The following TMEM116 variants were observed in gnomAD, a reference collection of about 807,000 sequenced individuals.
TMEM116 encodes the protein transmembrane protein 116.
In TMEM116, 38 loss-of-function variants were observed where a neutral mutation model predicts 44.3. The ratio of observed to expected loss-of-function variants is 0.86; its 90% confidence interval spans 0.66 to 1.12. The LOEUF (loss-of-function observed/expected upper bound fraction) is 1.12, where lower values mean the gene tolerates loss of function less well. TMEM116 is among the 50% of genes most tolerant of loss of function. The pLI, the probability that TMEM116 is intolerant of heterozygous loss-of-function variation, is 0.00. For missense variants in TMEM116, 354 were observed against 401.7 expected (o/e 0.88, Z 1.01); for synonymous variants, 132 against 144.8 (o/e 0.91, Z 0.64).
chr12:111,986,099 T>A (rs1260231970), intron 4 of TMEM116, among the ~76,000 whole-genome samples: 3 of 152,080 alleles, frequency 2.0e-5, no homozygotes, highest in Non-Finnish European at 4.4e-5. Context: ...CTCACGCCTG[T>A]ATTCCCAGCA....
Position 111,952,787 on chromosome 12 carries a change from C to T in TMEM116, c.211-9418G>A, listed in dbSNP as rs547606816. 1.1e-4 allele frequency among the ~76,000 whole-genome samples: 17 copies of T among 152,306 alleles called. No homozygotes were observed. In the South Asian group the frequency reaches 3.5e-3, roughly 32 times the overall value. Reference sequence around the variant, plus strand: ...CAGCTTTGGGACTCAGACTGGCTTCCTTGCTCCTCAGCTTGCAGACAGCCT... The same window carrying T: ...CAGCTTTGGGACTCAGACTGGCTTCTTTGCTCCTCAGCTTGCAGACAGCCT... On this transcript the variant is annotated intron_variant, in intron 4 of 10. Transcript: ENST00000552374.
chr12:111,939,891 T>TGTGTGTGTGTGTGG (rs1354759539), intron 5 of TMEM116, among the ~76,000 whole-genome samples: 2 of 116,836 alleles, frequency 1.7e-5, no homozygotes, highest in Non-Finnish European at 3.3e-5. Context: ...TGTGTGTGTG[T>TGTGTGTGTGTGTGG]GTGTGTGTGT....
chr12:111,993,769 G>T (rs760699214), intron 3 of TMEM116: 1 of 713,130 alleles, frequency 1.4e-6, no homozygotes, highest in Non-Finnish European at 2.7e-6. Flanking sequence ...GGAGCTGGTT[G>T]TAACATTTGT....
chr12:111,941,260 TA>T (rs984907698), intron 5 of TMEM116, among the ~76,000 whole-genome samples: 1 of 151,438 alleles, frequency 6.6e-6, no homozygotes, highest in African/African-American at 2.4e-5. Context: ...CCTGTAATCC[TA>T]GCTACTTGGG....
chr12:112,008,689 A>G (rs1967628), intron 1 of TMEM116, among the ~76,000 whole-genome samples: 32,433 of 152,072 alleles, frequency 0.21, 5,573 homozygotes, highest in East Asian at 0.85. Context: ...AAGATTTCTA[A>G]GGCCAGGCAC....
Position 111,939,055 on chromosome 12 carries a change from C to A in TMEM116, c.316-845G>T, listed in dbSNP as rs2072434266. Among the ~76,000 whole-genome samples, 4 of 151,886 alleles carry A rather than the reference C, an allele frequency of 2.6e-5. No homozygotes were observed. In the South Asian group the frequency reaches 8.3e-4, roughly 32 times the overall value. ...AATAAATAAAATTGTTTTTTGTGAC[C>A]CCTCCCACTCACTTCCCTTCTTCAC... On this transcript the variant is annotated intron_variant, in intron 5 of 10. Coordinates refer to ENST00000552374, the MANE Select transcript of TMEM116 (RefSeq NM_001193531.2).
intron 3 of TMEM116, among the ~76,000 whole-genome samples, chr12:112,003,121 C>T (rs1046478924): frequency 1.3e-5 from 2 of 152,190 alleles, no homozygotes; most frequent in Admixed American, 6.5e-5. Context: ...TAAACTATCT[C>T]CTAGTCCCAG....
chr12:111,936,197 A>G (rs577784416), intron 8 of TMEM116: 12 of 152,432 alleles, frequency 7.9e-5, no homozygotes, highest in African/African-American at 2.4e-4. Context: ...TTCTAATTGT[A>G]TATCATCCTG....
At chr12:111,973,286 T>A (rs1041428206) in intron 4 of TMEM116, among the ~76,000 whole-genome samples, 1 of 152,218 alleles carries the variant, frequency 6.6e-6, no homozygotes, top group African/African-American at 2.4e-5. Flanking sequence ...TCTAAATAAC[T>A]AAACAATTCA....
intron 6 of TMEM116, 130 bp downstream of exon 6, chr12:111,938,031 T>A: frequency 2.0e-6 from 1 of 493,764 alleles, no homozygotes; most frequent in South Asian, 4.6e-5. Flanking sequence ...GTATTTGTTG[T>A]TTCTAAGTTA....
Position 112,013,111 on chromosome 12 carries a change from A to C in TMEM116, c.-143T>G. ...GAGGAAGGACAGCAAACGAATTGCT[A>C]TAGCGTCCCCATGCGCACTTGGCGC... On this transcript the variant is annotated 5_prime_UTR_variant, in exon 1 of 11. An upstream open reading frame in the 5' UTR loses its in-frame stop. Coordinates refer to ENST00000552374, the MANE Select transcript of TMEM116 (RefSeq NM_001193531.2). 1 of 255,790 alleles carries C rather than the reference A, an allele frequency of 3.9e-6. No individual in the cohort carries two copies. Among genetic ancestry groups the C allele is most frequent in the Non-Finnish European group, 7.6e-6 (1 of 132,444 alleles). The allele number at this position is 255,790 out of a possible 1,614,324, so 15.8% of individuals were successfully genotyped here. A position where few individuals can be genotyped will look rare whatever the true frequency, so the allele number is the denominator to read the frequency against.
At chr12:111,988,567 C>T (rs1362789389) in intron 4 of TMEM116, among the ~76,000 whole-genome samples, 3 of 151,730 alleles carry the variant, frequency 2.0e-5, no homozygotes, top group South Asian at 2.1e-4. Flanking sequence ...GGCATAGTGG[C>T]GCATGCCTGT....
At chr12:111,969,360 C>T (rs1015091174) in intron 4 of TMEM116, among the ~76,000 whole-genome samples, 21 of 149,608 alleles carry the variant, frequency 1.4e-4, no homozygotes, top group African/African-American at 5.1e-4. Context: ...CTGCTAGAGG[C>T]AAAAACTACA....
At chr12:111,937,318 G>A in intron 6 of TMEM116, 75 bp from the exon 7 acceptor site, 1 of 1,133,894 alleles carries the variant, frequency 8.8e-7, no homozygotes, top group Non-Finnish European at 1.3e-6. Context: ...ATATTCTCCT[G>A]CTCTTCCCTC....
intron 4 of TMEM116, among the ~76,000 whole-genome samples, chr12:111,952,553 G>C (rs2073809988): frequency 6.6e-6 from 1 of 152,164 alleles, no homozygotes; most frequent in African/African-American, 2.4e-5. Flanking sequence ...TGAGGGTGTT[G>C]CCAAAGGAGA....
In TMEM116 at chr12:111,934,018, G is replaced by C; in HGVS notation, c.601C>G (p.Arg201Gly). ...AACTTCTTATACAATGTCTGGGCTC[G>C]GATAAGTAAGACCTAAATATGAGTA... ...SLLTIMVLLI[R>G]AQTLYKKFVK... The change falls in exon 9 of 11, where the codon CGA becomes GGA. Residue 201 changes from arginine (R) to glycine (G), a missense_variant. By Grantham distance (125) the Arg-to-Gly change is moderately radical. Coordinates refer to ENST00000552374, the MANE Select transcript of TMEM116 (RefSeq NM_001193531.2). 6.2e-7 allele frequency: 1 copy of C among 1,614,048 alleles called. No homozygotes were observed. Among genetic ancestry groups the C allele is most frequent in the South Asian group, 1.1e-5 (1 of 91,080 alleles).
At chr12:111,940,512 CAT>C (rs1310254441) in intron 5 of TMEM116, among the ~76,000 whole-genome samples, 53 of 120,630 alleles carry the variant, frequency 4.4e-4, no homozygotes, top group Admixed American at 2.0e-3. Flanking sequence ...TATATACACA[CAT>C]ATATATGTGT....
chr12:111,976,632 T>A (rs2075686975), intron 4 of TMEM116, among the ~76,000 whole-genome samples: 1 of 152,106 alleles, frequency 6.6e-6, no homozygotes, highest in African/African-American at 2.4e-5. Flanking sequence ...AAGACAAGCA[T>A]TAGACCAGTT....
Position 111,937,142 on chromosome 12 carries a change from C to T in TMEM116, c.449+18G>A, listed in dbSNP as rs374467070. On this transcript the variant is annotated intron_variant, in intron 7 of 10. Coordinates refer to ENST00000552374, the MANE Select transcript of TMEM116 (RefSeq NM_001193531.2). Reference sequence around the variant, plus strand: ...GGTGTAGTCTGCCATGAAAATTATACATTTAGTTCTTACTTACTTGTGGCT... The same window carrying T: ...GGTGTAGTCTGCCATGAAAATTATATATTTAGTTCTTACTTACTTGTGGCT... 17 of 1,594,250 alleles carry T rather than the reference C, an allele frequency of 1.1e-5. No homozygotes were observed. The African/African-American group carries it at 2.3e-4, about 21-fold the overall frequency.
Sources: gnomAD v4.1 joint callset for allele counts (sites outside exome capture counted in the v4.1 genomes callset) on GRCh38, gnomAD v4.1.1 for gene constraint, MANE v1.5 for transcripts, NCBI Gene and HGNC (gene_info 2026-07-23, HGNC 2026-07-21) for gene names.